RBMS3: variants seen among roughly 807,000 people sequenced by gnomAD.
The protein encoded by RBMS3 is RNA-binding motif, single-stranded-interacting protein 3.
In RBMS3, 27 loss-of-function variants were observed where a neutral mutation model predicts 66.8. The ratio of observed to expected loss-of-function variants is 0.40; its 90% CI spans 0.30 to 0.56. RBMS3 has a LOEUF of 0.56. Among genes scored for constraint, RBMS3 ranks in the 20% least tolerant of loss-of-function variants. The probability of loss-of-function intolerance (pLI) is 0.40; values close to 1 mark genes in which losing one functional copy is unlikely to be tolerated. For missense variants in RBMS3, 513 were observed against 549.5 expected (o/e 0.93, Z 0.66); for synonymous variants, 188 against 183.0 (o/e 1.03, Z -0.22).
At chr3:29,841,202 T>C (rs1371296401) in intron 6 of RBMS3, among the ~76,000 whole-genome samples, 1 of 151,972 alleles carries the variant, frequency 6.6e-6, no homozygotes, top group Non-Finnish European at 1.5e-5. Context: ...TTTTTATGTA[T>C]TGACCTGTTG....
At chr3:29,530,533 T>G (rs1415511013) in intron 3 of RBMS3, among the ~76,000 whole-genome samples, 2 of 152,046 alleles carry the variant, frequency 1.3e-5, no homozygotes, top group African/African-American at 4.8e-5. Context: ...AGAGATGGAC[T>G]TGGCTAAATG....
chr3:29,645,876 A>G (rs898059210), intron 4 of RBMS3, among the ~76,000 whole-genome samples: 3 of 152,132 alleles, frequency 2.0e-5, no homozygotes, highest in Non-Finnish European at 4.4e-5. Context: ...GGCCTTTATC[A>G]CCCACCCATA....
In RBMS3 at chr3:29,648,263, A is replaced by ATTTTTTTTTTTTTTTTTTTTTTT. The variant is rs749839563; in HGVS notation, c.399+61080_399+61081insTTTTTTTTTTTTTTTTTTTTTTT. On this transcript the variant is annotated intron_variant, in intron 4 of 14. Coordinates refer to ENST00000383767, the MANE Select transcript of RBMS3 (RefSeq NM_001003793.3). ...AACATAGGGAAAATAGAAAATGTCTATTTTTTTTTTTTTTTTTTTTTTGCG... is the reference window on the plus strand; with the variant it reads ...AACATAGGGAAAATAGAAAATGTCTATTTTTTTTTTTTTTTTTTTTTTTTTTTTTTTTTTTTTTTTTTTTTGCG... Among the ~76,000 whole-genome samples, 69 of 77,642 alleles carry ATTTTTTTTTTTTTTTTTTTTTTT rather than the reference A, an allele frequency of 8.9e-4. 8 individuals carry two copies. Among genetic ancestry groups the ATTTTTTTTTTTTTTTTTTTTTTT allele is most frequent in the African/African-American group, 1.6e-3 (30 of 19,130 alleles). The allele number at this position is 77,642 out of a possible 152,430, so 50.9% of individuals were successfully genotyped here.
At chr3:29,580,810 CA>C (rs1487717030) in intron 3 of RBMS3, among the ~76,000 whole-genome samples, 1 of 152,022 alleles carries the variant, frequency 6.6e-6, no homozygotes, top group Non-Finnish European at 1.5e-5. Flanking sequence ...ACACAAATTT[CA>C]GAATGCTTAG....
intron 2 of RBMS3, among the ~76,000 whole-genome samples, chr3:29,467,942 A>G (rs1340474845): frequency 6.6e-6 from 1 of 152,188 alleles, no homozygotes; most frequent in Non-Finnish European, 1.5e-5. Context: ...ATTCACTTGA[A>G]TAAGTGAGAA....
At chr3:29,828,236 A>G (rs760515513) in intron 6 of RBMS3, among the ~76,000 whole-genome samples, 2 of 152,166 alleles carry the variant, frequency 1.3e-5, no homozygotes, top group Non-Finnish European at 1.5e-5. Flanking sequence ...AGTTGCCACT[A>G]TACCGTAGAC....
At chr3:29,450,980 T>C (rs1287305919) in intron 2 of RBMS3, among the ~76,000 whole-genome samples, 3 of 151,976 alleles carry the variant, frequency 2.0e-5, no homozygotes, top group Non-Finnish European at 4.4e-5. Flanking sequence ...CACTTTCATA[T>C]TTGGGAGCTG....
At chr3:29,868,185 T>C (rs1292535220) in intron 6 of RBMS3, among the ~76,000 whole-genome samples, 1 of 151,594 alleles carries the variant, frequency 6.6e-6, no homozygotes, top group Non-Finnish European at 1.5e-5. Flanking sequence ...TACATTTACC[T>C]GAGTCATGTA....
intron 8 of RBMS3, among the ~76,000 whole-genome samples, chr3:29,890,713 T>C (rs865917090): frequency 1.1e-4 from 16 of 151,714 alleles, no homozygotes; most frequent in Middle Eastern, 3.4e-3. Flanking sequence ...AACCACAAAG[T>C]ACTATAAGAT....
intron 8 of RBMS3, among the ~76,000 whole-genome samples, chr3:29,890,411 G>A (rs1040022934): frequency 6.6e-6 from 1 of 151,552 alleles, no homozygotes. Flanking sequence ...ATAACTCAGA[G>A]ATAAGTAACC....
chr3:29,969,711 A>C (rs1438661186), intron 12 of RBMS3, among the ~76,000 whole-genome samples: 1 of 152,174 alleles, frequency 6.6e-6, no homozygotes, highest in Non-Finnish European at 1.5e-5. Flanking sequence ...GGATACACTA[A>C]CTGTAGAGCC....
chr3:29,603,402 C>T (rs2048211973), intron 4 of RBMS3, among the ~76,000 whole-genome samples: 2 of 151,964 alleles, frequency 1.3e-5, no homozygotes, highest in Non-Finnish European at 2.9e-5. Flanking sequence ...CCTTTTATAA[C>T]AAGGTTGAAA....
chr3:29,292,794 C>A (rs1041076880), intron 1 of RBMS3, among the ~76,000 whole-genome samples: 2 of 151,800 alleles, frequency 1.3e-5, no homozygotes, highest in Non-Finnish European at 2.9e-5. Context: ...GGTATCAGGG[C>A]TCAATGTACT....
intron 4 of RBMS3, among the ~76,000 whole-genome samples, chr3:29,691,947 C>CTCTCTCTCTTTTTTTTTTTTTTTTTTT (rs1218393454): frequency 5.6e-5 from 3 of 53,536 alleles, no homozygotes; most frequent in Non-Finnish European, 7.8e-5. Context: ...CTCTCTCTCT[C>CTCTCTCTCTTTTTTTTTTTTTTTTTTT]TATTTTTTTT....
chr3:29,879,884 G>T (rs2059697179), intron 7 of RBMS3, among the ~76,000 whole-genome samples: 1 of 151,930 alleles, frequency 6.6e-6, no homozygotes. Context: ...ACCAAGCATT[G>T]CAGTCTAGGT....
intron 6 of RBMS3, among the ~76,000 whole-genome samples, chr3:29,858,804 A>C (rs2059142193): frequency 6.6e-6 from 1 of 152,244 alleles, no homozygotes; most frequent in South Asian, 2.1e-4. Flanking sequence ...GAATTGTTAC[A>C]ATTTTTTTAA....
chr3:29,412,166 C>G (rs181243352), intron 1 of RBMS3, among the ~76,000 whole-genome samples: 2 of 152,166 alleles, frequency 1.3e-5, no homozygotes, highest in East Asian at 3.9e-4. Flanking sequence ...ATAGTGAGAC[C>G]AAAAATAAGG....
intron 2 of RBMS3, among the ~76,000 whole-genome samples, chr3:29,443,990 T>C (rs374305357): frequency 2.3e-4 from 35 of 152,252 alleles, no homozygotes; most frequent in Middle Eastern, 6.8e-3. Flanking sequence ...AGTGCAACTT[T>C]GGGTGGACAG....
rs985122806 is a variant in RBMS3, at chr3:30,006,607, T to A, written c.*2745T>A. 3.3e-5 allele frequency: 5 copies of A among 151,934 alleles called. No individual in the cohort carries two copies. The highest frequency in any genetic ancestry group is 2.6e-4 in the Admixed American group (4 of 15,234). 9.4% of individuals were successfully genotyped at this position (151,934 alleles called of 1,614,324 possible). A position where few individuals can be genotyped will look rare whatever the true frequency, so the allele number is the denominator to read the frequency against. The stretch of plus-strand genomic sequence containing the variant: ...AAGTTTTTTGGGGTACAAAAAGACA[T>A]GTATGAGAACCATATTTTCTGTTTC... On this transcript the variant is annotated 3_prime_UTR_variant, in exon 15 of 15. Transcript: ENST00000383767.
Sources: gnomAD v4.1 joint callset for allele counts (sites outside exome capture counted in the v4.1 genomes callset) on GRCh38, gnomAD v4.1.1 for gene constraint, MANE v1.5 for transcripts, NCBI Gene and HGNC (gene_info 2026-07-23, HGNC 2026-07-21) for gene names.